Variants in PNPLA8 observed in about 807,000 individuals in gnomAD.
PNPLA8 encodes the protein calcium-independent phospholipase A2-gamma.
In PNPLA8, 39 loss-of-function variants were observed where a neutral mutation model predicts 76.9. The observed-to-expected ratio is 0.51, with a 90% CI of 0.39 to 0.66. The LOEUF is 0.66. Ranked by LOEUF, PNPLA8 falls within the 30% of genes least tolerant of loss-of-function variation. The pLI, the probability that PNPLA8 is intolerant of heterozygous loss-of-function variation, is 0.00. For synonymous variants in PNPLA8, 301 were observed against 307.9 expected, an observed-to-expected ratio of 0.98 and a Z score of 0.24; for missense variants, 887 against 918.0, an observed-to-expected ratio of 0.97 and a Z score of 0.44.
rs1360225294 is a variant in PNPLA8, at chr7:108,514,656, A to G, written c.836T>C (p.Leu279Pro). 1 of 1,613,948 alleles carries G rather than the reference A, an allele frequency of 6.2e-7. No individual in the cohort carries two copies. Among genetic ancestry groups the G allele is most frequent in the Non-Finnish European group, 8.5e-7 (1 of 1,179,814 alleles). ...AATACTTTGTTTAGTTGAAACTTGA[A>G]GAACATCAGGTATCGCAGAAGGACT... ...PTSPSAIPDV[L>P]QVSTKQSIAN... The change falls in exon 3 of 11, where the codon CTT (leucine) becomes CCT (proline). Residue 279 changes from leucine to proline, a missense_variant. Leu to Pro is a moderately conservative substitution (Grantham distance 98). Coordinates refer to ENST00000257694, the MANE Select transcript of PNPLA8 (RefSeq NM_001256007.3).
intron 8 of PNPLA8, among the ~76,000 whole-genome samples, chr7:108,488,627 T>C (rs769049728): frequency 6.6e-6 from 1 of 152,184 alleles, no homozygotes; most frequent in African/African-American, 2.4e-5. Flanking sequence ...ATAATATCAC[T>C]TACAAATTAG....
At chr7:108,519,993 A>G (rs1012123071) in intron 2 of PNPLA8, among the ~76,000 whole-genome samples, 17 of 152,066 alleles carry the variant, frequency 1.1e-4, no homozygotes, top group African/African-American at 3.9e-4. Flanking sequence ...CTCCCTAGTA[A>G]TCAGTTATTG....
At chr7:108,497,271 T>G (rs1192294901) in intron 6 of PNPLA8, among the ~76,000 whole-genome samples, 1 of 152,182 alleles carries the variant, frequency 6.6e-6, no homozygotes, top group Non-Finnish European at 1.5e-5. Context: ...AACAGCTGAT[T>G]CCATATCTAG....
intron 2 of PNPLA8, among the ~76,000 whole-genome samples, chr7:108,519,068 TAA>T (rs11363031): frequency 4.5e-4 from 62 of 137,710 alleles, no homozygotes; most frequent in Admixed American, 6.6e-4. Context: ...GAGGGAAGTT[TAA>T]AAAAAAAAAA....
At chr7:108,500,683 G>C (rs1861869107) in intron 5 of PNPLA8, among the ~76,000 whole-genome samples, 1 of 152,194 alleles carries the variant, frequency 6.6e-6, no homozygotes, top group African/African-American at 2.4e-5. Flanking sequence ...GCCAAGGCGG[G>C]TGGATCACCT....
At chr7:108,480,239 A>T (rs1186501713) in intron 9 of PNPLA8, among the ~76,000 whole-genome samples, 1 of 152,052 alleles carries the variant, frequency 6.6e-6, no homozygotes, top group Non-Finnish European at 1.5e-5. Flanking sequence ...CATGGTGTAC[A>T]TGCCTGTAGT....
upstream of PNPLA8, chr7:108,526,355 C>CGTGT (rs950669823): frequency 4.7e-4 from 6 of 12,898 alleles, 1 homozygote; most frequent in African/African-American, 1.4e-3. Flanking sequence ...GACGTGTGTG[C>CGTGT]GTGCGTGCGT....
intron 1 of PNPLA8, among the ~76,000 whole-genome samples, chr7:108,525,391 C>T (rs1864004368): frequency 6.6e-6 from 1 of 152,200 alleles, no homozygotes; most frequent in Admixed American, 6.5e-5. Context: ...CACAACTCTC[C>T]TGAGTTTTTC....
At chr7:108,512,369 A>G (rs973352940) in intron 4 of PNPLA8, among the ~76,000 whole-genome samples, 1 of 152,126 alleles carries the variant, frequency 6.6e-6, no homozygotes, top group Non-Finnish European at 1.5e-5. Flanking sequence ...TTCTTTCTAA[A>G]CAGTCAAAGT....
rs1863157469 is a variant in PNPLA8, at chr7:108,514,486, T to C, written c.1006A>G (p.Lys336Glu). The C allele has an allele frequency of 6.2e-7, 1 of 1,613,664 alleles. No individual in the cohort carries two copies. Among genetic ancestry groups the C allele is most frequent in the Non-Finnish European group, 8.5e-7 (1 of 1,179,874 alleles). The change falls in exon 3 of 11, where the codon AAA (lysine) becomes GAA (glutamate). Residue 336 changes from lysine (K) to glutamate (E), a missense_variant. By Grantham distance (56) the Lys-to-Glu change is moderately conservative. Coordinates refer to ENST00000257694, the MANE Select transcript of PNPLA8 (RefSeq NM_001256007.3). Reference sequence around the variant, plus strand: ...TTTTTCTCCTCTGCATTTCTGTCTTTGCTGACAGCCTGATCAGTTTTAGCA... The same window carrying C: ...TTTTTCTCCTCTGCATTTCTGTCTTCGCTGACAGCCTGATCAGTTTTAGCA... ...EPAKTDQAVS[K>E]DRNAEEKKRL... is the part of the protein sequence containing the mutation.
chr7:108,511,851 T>C (rs1461183859), intron 4 of PNPLA8, among the ~76,000 whole-genome samples: 2 of 152,218 alleles, frequency 1.3e-5, no homozygotes, highest in African/African-American at 4.8e-5. Flanking sequence ...AATGAGTTTA[T>C]TTTGGTATAT....
chr7:108,522,473 G>A (rs1863815755), intron 1 of PNPLA8, among the ~76,000 whole-genome samples: 1 of 151,948 alleles, frequency 6.6e-6, no homozygotes, highest in Admixed American at 6.6e-5. Flanking sequence ...GAAAATTTTT[G>A]TATGACCTGG....
At position 108,505,689 on chromosome 7, in the gene PNPLA8, CAA is replaced by C. The variant is rs543187186; in HGVS notation, c.1207-3049_1207-3048del. 2.8e-4 allele frequency among the ~76,000 whole-genome samples: 43 copies of C among 151,762 alleles called. No homozygotes were observed. The South Asian group carries it at 7.9e-3, about 28-fold the overall frequency. ...AATACTTTTATGACTTTAGGATAGG[CAA>C]AGATTTCTTAAACAGGACACAAAAT... On this transcript the variant is annotated intron_variant, in intron 4 of 10. Transcript: ENST00000257694.
chr7:108,507,897 C>T (rs934889609), intron 4 of PNPLA8, among the ~76,000 whole-genome samples: 1 of 145,030 alleles, frequency 6.9e-6, no homozygotes, highest in Non-Finnish European at 1.5e-5. Flanking sequence ...TGTAATCCAG[C>T]ATATAAACAG....
At position 108,515,338 on chromosome 7, in the gene PNPLA8, T is replaced by A; in HGVS notation, c.154A>T (p.Thr52Ser). Residue 52 changes from threonine to serine, a missense_variant, in exon 3 of 11, where the codon ACA becomes TCA. Physicochemically the swap from Thr to Ser is moderately conservative, Grantham distance 58. Transcript: ENST00000257694. ...SHISLQRGFH[T>S]NIIRCKWTKS... is the part of the protein sequence containing the mutation. ...GTCCATTTACATCTTATTATGTTTGTATGAAAACCTCTTTGTAGACTGATG... is the reference window on the plus strand; with the variant it reads ...GTCCATTTACATCTTATTATGTTTGAATGAAAACCTCTTTGTAGACTGATG... The A allele has an allele frequency of 6.2e-7, 1 of 1,613,738 alleles. No homozygotes were observed. The highest frequency in any genetic ancestry group is 2.2e-5 in the East Asian group (1 of 44,856).
At chr7:108,490,973 T>C (rs185593061) in intron 8 of PNPLA8, among the ~76,000 whole-genome samples, 198 of 152,296 alleles carry the variant, frequency 1.3e-3, no homozygotes, top group Non-Finnish European at 1.7e-3. Flanking sequence ...AATGACTCAA[T>C]ATATAAAGAA....
chr7:108,512,114 C>A (rs1360497358), intron 4 of PNPLA8, among the ~76,000 whole-genome samples: 4 of 152,188 alleles, frequency 2.6e-5, no homozygotes, highest in Admixed American at 2.6e-4. Flanking sequence ...GTAACCACCA[C>A]ACGGAGGTTC....
At position 108,502,662 on chromosome 7, in the gene PNPLA8, ACTTT is replaced by A; in HGVS notation, c.1207-24_1207-21del. 6.3e-7 allele frequency: 1 copy of A among 1,583,312 alleles called. No individual in the cohort carries two copies. The highest frequency in any genetic ancestry group is 8.6e-7 in the Non-Finnish European group (1 of 1,156,108). ...TCTTTCCTATATTGAGAGAAAAGATACTTTGTTGCTTTTGTCAAATCAAGACTGA... is the reference window on the plus strand; with the variant it reads ...TCTTTCCTATATTGAGAGAAAAGATAGTTGCTTTTGTCAAATCAAGACTGA... On this transcript the variant is annotated intron_variant, in intron 4 of 10. Transcript: ENST00000257694.
intron 5 of PNPLA8, among the ~76,000 whole-genome samples, chr7:108,500,509 TC>T (rs2154515813): frequency 6.6e-6 from 1 of 152,342 alleles, no homozygotes; most frequent in South Asian, 2.1e-4. Flanking sequence ...CTGTCTTTCC[TC>T]AACACCAATC....
Sources: allele counts gnomAD v4.1 joint callset (sites outside exome capture counted in the v4.1 genomes callset), GRCh38; gene constraint gnomAD v4.1.1; transcripts MANE v1.5; gene names NCBI Gene and HGNC (gene_info 2026-07-23, HGNC 2026-07-21).